Variants in TMEM52B observed in about 807,000 individuals in gnomAD.
TMEM52B encodes chromosome 12 open reading frame 59.
Under a neutral mutation model 16.1 loss-of-function variants are expected in TMEM52B, and 11 were observed. That is an observed-to-expected ratio of 0.68 (90% CI 0.43 to 1.13). The LOEUF is 1.13. TMEM52B is among the 50% of genes most tolerant of loss of function. The pLI, the probability that TMEM52B is intolerant of heterozygous loss-of-function variation, is 0.00. For missense variants in TMEM52B, 243 were observed against 230.4 expected (o/e 1.05, Z -0.35); for synonymous variants, 101 against 93.8 (o/e 1.08, Z -0.45).
chr12:10,184,102 A>G (rs1316589758), intron 2 of TMEM52B, among the ~76,000 whole-genome samples: 1 of 152,196 alleles, frequency 6.6e-6, no homozygotes, highest in Non-Finnish European at 1.5e-5. Flanking sequence ...AATCACGCCT[A>G]CATAATGAGG....
intron 1 of TMEM52B, among the ~76,000 whole-genome samples, chr12:10,181,446 C>A (rs1948821388): frequency 6.6e-6 from 1 of 151,918 alleles, no homozygotes; most frequent in South Asian, 2.1e-4. Flanking sequence ...TCTCCTGCCT[C>A]AACCTCCAGA....
rs1948866490 is a variant in TMEM52B at position 10,185,174 on chromosome 12, G to C, written c.99-156G>C. 3.3e-5 allele frequency among the ~76,000 whole-genome samples: 5 copies of C among 152,300 alleles called. No homozygotes were observed. The South Asian group carries it at 1.0e-3, about 32-fold the overall frequency. On this transcript the variant is annotated intron_variant, in intron 2 of 4. Transcript: ENST00000543484. ...ATTTAAAGCATATCATTTGGCAAAA[G>C]ATTCAACTAGCTACAGTGAATTTTA...
upstream of TMEM52B, among the ~76,000 whole-genome samples, chr12:10,178,705 A>G (rs1367229048): frequency 6.6e-6 from 1 of 152,156 alleles, no homozygotes; most frequent in Non-Finnish European, 1.5e-5. Context: ...AGAAAGAAAG[A>G]AACCTATACA....
chr12:10,189,077 T>C (rs1373746404), intron 4 of TMEM52B, among the ~76,000 whole-genome samples: 1 of 137,334 alleles, frequency 7.3e-6, no homozygotes, highest in Non-Finnish European at 1.5e-5. Flanking sequence ...GGCACATGCC[T>C]GTAATCCCAG....
At chr12:10,181,478 C>T (rs998392166) in intron 1 of TMEM52B, among the ~76,000 whole-genome samples, 15 of 151,504 alleles carry the variant, frequency 9.9e-5, no homozygotes, top group African/African-American at 2.9e-4. Context: ...TACAGGCGCA[C>T]ATCACCACGC....
Position 10,179,396 on chromosome 12 carries a change from T to C in TMEM52B, c.-179T>C. The stretch of plus-strand genomic sequence containing the variant: ...AAGAAGAGGGAAAAGCCATAGAAAA[T>C]AACAGCCAGAGCGAGTAGGAGGAGA... On this transcript the variant is annotated 5_prime_UTR_variant, in exon 1 of 5. Transcript: ENST00000543484. The C allele has an allele frequency of 6.3e-6, 4 of 633,488 alleles. No individual in the cohort carries two copies. The highest frequency in any genetic ancestry group is 1.1e-5 in the Non-Finnish European group (4 of 357,998). The allele number at this position is 633,488 out of a possible 1,614,324, so 39.2% of individuals were successfully genotyped here.
chr12:10,187,571 T>A (rs939037240), intron 4 of TMEM52B, among the ~76,000 whole-genome samples: 7 of 151,884 alleles, frequency 4.6e-5, no homozygotes, highest in African/African-American at 1.4e-4. Context: ...CACCAGGCTA[T>A]ATTTTTTTAA....
chr12:10,177,011 G>A (rs1948770699), upstream of TMEM52B, among the ~76,000 whole-genome samples: 1 of 152,140 alleles, frequency 6.6e-6, no homozygotes, highest in African/African-American at 2.4e-5. Context: ...TATTCAAAAT[G>A]CTTTCCTGTC....
intron 2 of TMEM52B, among the ~76,000 whole-genome samples, chr12:10,183,621 A>G (rs17808113): frequency 0.11 from 17,426 of 152,108 alleles, 1,081 homozygotes; most frequent in Non-Finnish European, 0.14. Context: ...TCATTCTCCA[A>G]TTCCTGAACT....
chr12:10,186,840 A>G (rs866827245), intron 4 of TMEM52B, among the ~76,000 whole-genome samples: 1 of 152,218 alleles, frequency 6.6e-6, no homozygotes, highest in Middle Eastern at 3.2e-3. Flanking sequence ...AATAGGAAGA[A>G]TTAGCCAGTT....
chr12:10,185,425 T>G (rs896522430), intron 3 of TMEM52B, 57 bp downstream of exon 3: 2 of 1,304,726 alleles, frequency 1.5e-6, no homozygotes, highest in African/African-American at 2.9e-5. Context: ...CCATTAAAAA[T>G]GACAACCTGC....
chr12:10,171,914 A>C (rs749118882), intron 1 of TMEM52B: 103 of 945,214 alleles, frequency 1.1e-4, no homozygotes, highest in Admixed American at 7.0e-4. Context: ...TTGGGTGTTT[A>C]GCTTTCTAAT....
chr12:10,183,717 T>C (rs927068161), intron 2 of TMEM52B, among the ~76,000 whole-genome samples: 7 of 152,154 alleles, frequency 4.6e-5, no homozygotes, highest in Admixed American at 2.0e-4. Context: ...CTCAGAACAT[T>C]ATTTAGCTTT....
Position 10,186,597 on chromosome 12 carries a change from C to A in TMEM52B, c.307+8C>A. 6.4e-7 allele frequency: 1 copy of A among 1,553,552 alleles called. No individual in the cohort carries two copies. Among genetic ancestry groups the A allele is most frequent in the South Asian group, 1.2e-5 (1 of 84,094 alleles). On this transcript the variant is annotated splice_region_variant and intron_variant, in intron 4 of 4. Coordinates refer to ENST00000543484, the MANE Select transcript of TMEM52B (RefSeq NM_001384896.1). ...TCCAGAGCACTATCACATGTGAGTA[C>A]ACTGAACTTTTAACCTGGGAGGAGG...
intron 1 of TMEM52B, among the ~76,000 whole-genome samples, chr12:10,180,067 T>C (rs922159948): frequency 1.3e-5 from 2 of 152,180 alleles, no homozygotes; most frequent in African/African-American, 2.4e-5. Flanking sequence ...GGCAGGGCTC[T>C]TTTAAAATAT....
At position 10,184,320 on chromosome 12, in the gene TMEM52B, A is replaced by T. The variant is rs150940654; in HGVS notation, c.99-1010A>T. 2.2e-4 allele frequency among the ~76,000 whole-genome samples: 34 copies of T among 152,314 alleles called. No homozygotes were observed. In the East Asian group the frequency reaches 6.6e-3, roughly 29 times the overall value. On this transcript the variant is annotated intron_variant, in intron 2 of 4. Transcript: ENST00000543484. ...AGTAAGTGTTTCCCGGAGTTCTGTG[A>T]GCTGCTCTAACAAATTAACGCAACC...
upstream of TMEM52B, among the ~76,000 whole-genome samples, chr12:10,175,982 ACT>A (rs1474442365): frequency 7.2e-5 from 11 of 152,214 alleles, no homozygotes; most frequent in Middle Eastern, 3.4e-3. Flanking sequence ...TAGGTGTAAA[ACT>A]CTATGTACAT....
intron 1 of TMEM52B, among the ~76,000 whole-genome samples, chr12:10,180,828 G>A (rs1404285648): frequency 1.3e-5 from 2 of 152,244 alleles, no homozygotes; most frequent in Non-Finnish European, 2.9e-5. Context: ...GTTTTTAAAC[G>A]GAGTTTTGCC....
At position 10,181,035 on chromosome 12, in the gene TMEM52B, G is replaced by T. The variant is rs957691677; in HGVS notation, c.54+1407G>T. Among the ~76,000 whole-genome samples, 50 of 152,116 alleles carry T rather than the reference G, an allele frequency of 3.3e-4. 1 individual carries two copies. Among genetic ancestry groups the T allele is most frequent in the African/African-American group, 1.1e-3 (45 of 41,426 alleles). ...TTGGTCAGGCTGATCTCGAACTCCT[G>T]ACCTCAAGTGATCCACCCACCTCGG... On this transcript the variant is annotated intron_variant, in intron 1 of 4. Coordinates refer to ENST00000543484, the MANE Select transcript of TMEM52B (RefSeq NM_001384896.1).
Sources: gnomAD v4.1 joint callset for allele counts (sites outside exome capture counted in the v4.1 genomes callset) on GRCh38, gnomAD v4.1.1 for gene constraint, MANE v1.5 for transcripts, NCBI Gene and HGNC (gene_info 2026-07-23, HGNC 2026-07-21) for gene names.